Variants in SLMAP observed in about 807,000 individuals in gnomAD.
SLMAP encodes sarcolemmal membrane-associated protein.
In SLMAP, 44 loss-of-function variants were observed where a neutral mutation model predicts 128.8. The observed-to-expected ratio is 0.34, with a 90% CI of 0.27 to 0.44. The LOEUF (loss-of-function observed/expected upper bound fraction) is 0.44. Among genes scored for constraint, SLMAP ranks in the 20% least tolerant of loss-of-function variants. The pLI is 1.00. For missense variants in SLMAP, 787 were observed against 985.3 expected (o/e 0.80, Z 2.69); for synonymous variants, 327 against 348.8 (o/e 0.94, Z 0.70).
intron 24 of SLMAP, chr3:57,926,303 C>T (rs2097007723): frequency 5.6e-6 from 1 of 180,142 alleles, no homozygotes; most frequent in East Asian, 1.6e-4. Flanking sequence ...AAGAGTTTGC[C>T]TCCTTGAAGT....
intron 3 of SLMAP, among the ~76,000 whole-genome samples, chr3:57,833,974 A>G (rs975543193): frequency 1.3e-5 from 2 of 152,176 alleles, no homozygotes; most frequent in African/African-American, 2.4e-5. Flanking sequence ...CAGTGCTGTG[A>G]TAACTTTTGT....
rs149324426 is a variant in SLMAP at position 57,795,989 on chromosome 3, A to G, written c.199-35394A>G. ...AATTTTGATGAAGTCCAATTTATCT[A>G]TTTTTATTTTTATAAGTAATTTTTA... is the stretch of plus-strand genomic sequence containing the variant. On this transcript the variant is annotated intron_variant, in intron 2 of 24. Coordinates refer to ENST00000671191, the MANE Select transcript of SLMAP (RefSeq NM_001377540.1). Among the ~76,000 whole-genome samples the G allele has an allele frequency of 1.4e-3, 208 of 152,254 alleles. 1 individual carries two copies. Among genetic ancestry groups the G allele is most frequent in the African/African-American group, 4.4e-3 (181 of 41,556 alleles).
intron 2 of SLMAP, among the ~76,000 whole-genome samples, chr3:57,805,900 GACTCACTCTT>G (rs529328432): frequency 1.7e-3 from 261 of 152,006 alleles, no homozygotes; most frequent in African/African-American, 5.9e-3. Flanking sequence ...TACTTCCCCT[GACTCACTCTT>G]ACTCAGCCTT....
At chr3:57,771,177 CCCTCT>C (rs1178682749) in intron 2 of SLMAP, among the ~76,000 whole-genome samples, 16 of 88,504 alleles carry the variant, frequency 1.8e-4, no homozygotes, top group East Asian at 3.9e-4. Context: ...CCCTCCCCTC[CCCTCT>C]CCTCTCCTCC....
chr3:57,825,041 T>C (rs969749930), intron 2 of SLMAP, among the ~76,000 whole-genome samples: 4 of 152,230 alleles, frequency 2.6e-5, no homozygotes, highest in Non-Finnish European at 5.9e-5. Flanking sequence ...CTTAATTTCC[T>C]TTTTGAATTA....
At chr3:57,858,971 C>A (rs2094919758) in intron 8 of SLMAP, among the ~76,000 whole-genome samples, 1 of 151,474 alleles carries the variant, frequency 6.6e-6, no homozygotes, top group Non-Finnish European at 1.5e-5. Flanking sequence ...AAAAAAGTTA[C>A]AAAAATAATG....
chr3:57,914,727 C>T (rs1278470643), intron 21 of SLMAP, among the ~76,000 whole-genome samples: 2 of 151,790 alleles, frequency 1.3e-5, no homozygotes, highest in African/African-American at 2.4e-5. Flanking sequence ...GGATTACAGA[C>T]ATGTGCCACC....
Position 57,890,211 on chromosome 3 carries a change from C to A in SLMAP, c.1360+111C>A, listed in dbSNP as rs186149554. 4.4e-6 allele frequency: 4 copies of A among 907,526 alleles called. No individual in the cohort carries two copies. The South Asian group carries it at 6.6e-5, about 15-fold the overall frequency. The allele number at this position is 907,526 out of a possible 1,614,324, so 56.2% of individuals were successfully genotyped here. ...CCATCAGTTTACTTCTTATAGCTCA[C>A]AAAATAGCAAGCCAGTAACAGTATC... On this transcript the variant is annotated intron_variant, in intron 15 of 24. Transcript: ENST00000671191.
chr3:57,784,435 G>A (rs2083670631), intron 2 of SLMAP, among the ~76,000 whole-genome samples: 1 of 152,010 alleles, frequency 6.6e-6, no homozygotes, highest in Non-Finnish European at 1.5e-5. Flanking sequence ...GTTTTTCTTG[G>A]GACCACCAGT....
chr3:57,850,523 T>C (rs2094462042), intron 6 of SLMAP, among the ~76,000 whole-genome samples: 1 of 152,084 alleles, frequency 6.6e-6, no homozygotes, highest in Non-Finnish European at 1.5e-5. Flanking sequence ...GGCTCAAGTC[T>C]TTTTCCTGCC....
At chr3:57,826,199 C>T (rs1426451939) in intron 2 of SLMAP, among the ~76,000 whole-genome samples, 2 of 152,028 alleles carry the variant, frequency 1.3e-5, no homozygotes, top group East Asian at 3.9e-4. Context: ...TTCACCTTTT[C>T]TTGAGTTGTA....
intron 14 of SLMAP, among the ~76,000 whole-genome samples, chr3:57,884,644 C>CA (rs1024395066): frequency 8.6e-5 from 13 of 151,962 alleles, no homozygotes; most frequent in African/African-American, 3.1e-4. Flanking sequence ...CACGTCTCTA[C>CA]AAAAAATGCA....
intron 13 of SLMAP, among the ~76,000 whole-genome samples, chr3:57,868,952 A>G (rs1031563416): frequency 7.4e-6 from 1 of 134,688 alleles, no homozygotes; most frequent in African/African-American, 2.7e-5. Context: ...TGTGTATTAT[A>G]TATAATATAT....
At chr3:57,765,074 A>G (rs1186422733) in intron 2 of SLMAP, among the ~76,000 whole-genome samples, 1 of 152,230 alleles carries the variant, frequency 6.6e-6, no homozygotes, top group Non-Finnish European at 1.5e-5. Context: ...AAGAATGGCC[A>G]GGAACAGTGG....
At chr3:57,888,857 A>C (rs1236293989) in intron 14 of SLMAP, among the ~76,000 whole-genome samples, 1 of 152,110 alleles carries the variant, frequency 6.6e-6, no homozygotes. Context: ...CTTACATTAT[A>C]CATCTTAATC....
chr3:57,893,189 G>C (rs1414213346), intron 15 of SLMAP, among the ~76,000 whole-genome samples: 1 of 152,028 alleles, frequency 6.6e-6, no homozygotes, highest in Admixed American at 6.6e-5. Flanking sequence ...ACTAGGCACT[G>C]TTCTGTGCAC....
intron 2 of SLMAP, among the ~76,000 whole-genome samples, chr3:57,797,548 A>G (rs182627847): frequency 6.6e-6 from 1 of 152,054 alleles, no homozygotes. Context: ...ATATAAAGCA[A>G]TATGTTAAAC....
intron 17 of SLMAP, among the ~76,000 whole-genome samples, chr3:57,902,652 T>C (rs148852646): frequency 0.012 from 1,813 of 152,266 alleles, 36 homozygotes; most frequent in African/African-American, 0.041. Context: ...CTAGAATCCA[T>C]TGGCCTGAGA....
At chr3:57,853,435 C>T (rs977194567) in intron 6 of SLMAP, among the ~76,000 whole-genome samples, 2 of 152,154 alleles carry the variant, frequency 1.3e-5, no homozygotes, top group Non-Finnish European at 2.9e-5. Context: ...GTGTATACTT[C>T]TCTGTTGAGG....
Sources: allele counts gnomAD v4.1 joint callset (sites outside exome capture counted in the v4.1 genomes callset), GRCh38; gene constraint gnomAD v4.1.1; transcripts MANE v1.5; gene names NCBI Gene and HGNC (gene_info 2026-07-23, HGNC 2026-07-21).